STARD13: variants seen among roughly 807,000 people sequenced by gnomAD.
STARD13 encodes the protein StAR related lipid transfer domain containing 13.
In STARD13, 62 loss-of-function variants were observed where a neutral mutation model predicts 106.4. The ratio of observed to expected loss-of-function variants is 0.58; its 90% CI spans 0.48 to 0.72. The LOEUF is 0.72. Ranked by LOEUF, STARD13 falls within the 30% of genes least tolerant of loss-of-function variation. STARD13 has a pLI of 0.00. For missense variants in STARD13, 1,387 were observed against 1,424.0 expected (o/e 0.97, Z 0.42); for synonymous variants, 565 against 553.0 (o/e 1.02, Z -0.31).
the STARD13 span, among the ~76,000 whole-genome samples, chr13:33,368,902 C>T: frequency 6.6e-6 from 1 of 152,024 alleles, no homozygotes; most frequent in Non-Finnish European, 1.5e-5. Flanking sequence ...TTAGAGATTC[C>T]AGCACAACAC....
At chr13:33,398,503 T>C in the STARD13 span, among the ~76,000 whole-genome samples, 266 of 152,230 alleles carry the variant, frequency 1.7e-3, 1 homozygote, top group African/African-American at 5.8e-3. Flanking sequence ...AAAGACATTG[T>C]TAAAAAAGTA....
At chr13:33,109,746 C>A (rs1287107603) in intron 12 of STARD13, 127 bp downstream of exon 12, 7 of 826,420 alleles carry the variant, frequency 8.5e-6, no homozygotes, top group African/African-American at 5.1e-5. Context: ...CTGAGGGAAA[C>A]AAGAGCCGGC....
At chr13:33,368,182 A>C in the STARD13 span, among the ~76,000 whole-genome samples, 1 of 152,138 alleles carries the variant, frequency 6.6e-6, no homozygotes, top group Admixed American at 6.5e-5. Context: ...AACTCTTTGC[A>C]ATGTGTCCCG....
chr13:33,633,339 T>C, the STARD13 span, among the ~76,000 whole-genome samples: 1 of 152,208 alleles, frequency 6.6e-6, no homozygotes, highest in African/African-American at 2.4e-5. Flanking sequence ...GTAAATGGAA[T>C]CGTAGATCAT....
the STARD13 span, among the ~76,000 whole-genome samples, chr13:33,389,632 T>C: frequency 1.3e-5 from 2 of 152,222 alleles, no homozygotes; most frequent in Non-Finnish European, 2.9e-5. Flanking sequence ...GAGAAATTAA[T>C]TATTCTTATA....
chr13:33,250,882 AGTCT>A (rs1209263343), intron 1 of STARD13, among the ~76,000 whole-genome samples: 1 of 152,202 alleles, frequency 6.6e-6, no homozygotes, highest in Non-Finnish European at 1.5e-5. Context: ...ACAAGACTTA[AGTCT>A]GTCTTGTTCA....
rs147835860 is a variant in STARD13, at chr13:33,120,415, G to A, written c.2083-2152C>T. ...TATTTTAATTATTTTAGACATGTCT[G>A]CAGCTCTCCAGCTGTGGGCTCTGAG... On this transcript the variant is annotated intron_variant, in intron 7 of 13. Coordinates refer to ENST00000336934, the MANE Select transcript of STARD13 (RefSeq NM_178006.4). Among the ~76,000 whole-genome samples the A allele has an allele frequency of 3.2e-3, 491 of 152,296 alleles. 4 individuals carry two copies. Among genetic ancestry groups the A allele is most frequent in the African/African-American group, 0.011 (471 of 41,546 alleles).
chr13:33,368,840 G>A, the STARD13 span, among the ~76,000 whole-genome samples: 64 of 152,212 alleles, frequency 4.2e-4, no homozygotes, highest in Non-Finnish European at 6.8e-4. Context: ...AGGCAGGCAG[G>A]AGTTTCCGGC....
intron 3 of STARD13, among the ~76,000 whole-genome samples, chr13:33,148,073 A>G (rs1880788832): frequency 6.6e-6 from 1 of 152,236 alleles, no homozygotes; most frequent in Non-Finnish European, 1.5e-5. Context: ...TTAATTCAAA[A>G]TGAATCATAG....
At chr13:33,110,285 G>C (rs1163596531) in intron 11 of STARD13, among the ~76,000 whole-genome samples, 195 bp from the exon 12 acceptor site, 1 of 152,184 alleles carries the variant, frequency 6.6e-6, no homozygotes, top group Non-Finnish European at 1.5e-5. Flanking sequence ...TAATAATGAT[G>C]ATAAAAATAA....
the STARD13 span, among the ~76,000 whole-genome samples, chr13:33,645,494 A>G: frequency 1.3e-5 from 2 of 152,208 alleles, no homozygotes; most frequent in Non-Finnish European, 2.9e-5. Flanking sequence ...TGTTACACAG[A>G]AACAGATCAT....
chr13:33,358,514 G>A, the STARD13 span, among the ~76,000 whole-genome samples: 12 of 152,288 alleles, frequency 7.9e-5, no homozygotes, highest in African/African-American at 2.6e-4. Flanking sequence ...TCAGCACCCT[G>A]TGTTTAGCTC....
chr13:33,209,585 G>A (rs9596956), intron 1 of STARD13, among the ~76,000 whole-genome samples: 1 of 151,814 alleles, frequency 6.6e-6, no homozygotes, highest in South Asian at 2.1e-4. Context: ...TCTGCTGGTC[G>A]TCAGTCCTGC....
chr13:33,111,298 C>T (rs539576119), intron 10 of STARD13, among the ~76,000 whole-genome samples: 1 of 152,292 alleles, frequency 6.6e-6, no homozygotes, highest in East Asian at 1.9e-4. Context: ...AATAGCTTTA[C>T]TTTTTTAGCA....
the STARD13 span, among the ~76,000 whole-genome samples, chr13:33,522,490 A>G: frequency 2.6e-5 from 4 of 152,148 alleles, no homozygotes; most frequent in African/African-American, 7.2e-5. Flanking sequence ...CCATTATAGT[A>G]TCATACACAG....
chr13:33,196,858 A>G (rs992024018), intron 1 of STARD13, among the ~76,000 whole-genome samples: 11 of 152,244 alleles, frequency 7.2e-5, no homozygotes, highest in African/African-American at 2.4e-4. Context: ...ACCAGAAAAG[A>G]AGCCAACTGA....
chr13:33,204,925 A>G (rs867696682), intron 1 of STARD13, among the ~76,000 whole-genome samples: 1 of 152,258 alleles, frequency 6.6e-6, no homozygotes, highest in Non-Finnish European at 1.5e-5. Flanking sequence ...ATGCAGATGC[A>G]AAATAAGTCC....
the STARD13 span, among the ~76,000 whole-genome samples, chr13:33,417,514 A>G: frequency 6.6e-6 from 1 of 152,242 alleles, no homozygotes; most frequent in African/African-American, 2.4e-5. Context: ...AAGTGGGAAC[A>G]ACCCAAATGT....
At chr13:33,497,000 C>G in the STARD13 span, among the ~76,000 whole-genome samples, 1 of 152,138 alleles carries the variant, frequency 6.6e-6, no homozygotes, top group Non-Finnish European at 1.5e-5. Context: ...TAAGAGAACT[C>G]TGTTTTGTCT....
Sources: allele counts gnomAD v4.1 joint callset (sites outside exome capture counted in the v4.1 genomes callset), GRCh38; gene constraint gnomAD v4.1.1; transcripts MANE v1.5; gene names NCBI Gene and HGNC (gene_info 2026-07-23, HGNC 2026-07-21).